Variants in NEO1 observed in about 807,000 individuals in gnomAD.
The protein encoded by NEO1 is neogenin 1.
NEO1 carries 63 observed loss-of-function variants against 159.7 expected under a neutral mutation model. The ratio of observed to expected loss-of-function variants is 0.39; its 90% CI spans 0.32 to 0.49. NEO1 has a LOEUF of 0.49. Ranked by LOEUF, NEO1 falls within the 20% of genes least tolerant of loss-of-function variation. The pLI, the probability that NEO1 is intolerant of heterozygous loss-of-function variation, is 0.85. For synonymous variants in NEO1, 633 were observed against 662.0 expected (o/e 0.96, Z 0.67); for missense variants, 1,615 against 1,831.0 (o/e 0.88, Z 2.15).
At chr15:73,146,866 G>A (rs78984629) in intron 5 of NEO1, among the ~76,000 whole-genome samples, 8,114 of 152,172 alleles carry the variant, frequency 0.053, 330 homozygotes, top group Non-Finnish European at 0.075. Flanking sequence ...TGTACATCAG[G>A]CAAAATGCAA....
chr15:73,138,527 C>T (rs574038368), intron 5 of NEO1, among the ~76,000 whole-genome samples: 57 of 151,934 alleles, frequency 3.8e-4, no homozygotes, highest in Admixed American at 1.2e-3. Context: ...GAGGCCGAGG[C>T]GGGCGGATCA....
rs149327826 is a variant in NEO1, at chr15:73,106,115, C to A, written c.131-10425C>A. 5.3e-4 allele frequency among the ~76,000 whole-genome samples: 81 copies of A among 152,246 alleles called. 3 individuals carry two copies. The East Asian group carries it at 0.013, about 25-fold the overall frequency. ...ACTGGTAGTCACTTAAAAATCCTTCCATTTTTACTGTTTAGATGTCAGACC... is the reference window on the plus strand; with the variant it reads ...ACTGGTAGTCACTTAAAAATCCTTCAATTTTTACTGTTTAGATGTCAGACC... On this transcript the variant is annotated intron_variant, in intron 1 of 28. Coordinates refer to ENST00000261908, the MANE Select transcript of NEO1 (RefSeq NM_002499.4).
chr15:73,141,527 T>A (rs952311876), intron 5 of NEO1, among the ~76,000 whole-genome samples: 1 of 152,248 alleles, frequency 6.6e-6, no homozygotes, highest in Non-Finnish European at 1.5e-5. Flanking sequence ...GTGATACACA[T>A]GTCTCCCGTG....
intron 25 of NEO1, among the ~76,000 whole-genome samples, chr15:73,289,998 G>A (rs1376713796): frequency 6.6e-6 from 1 of 151,766 alleles, no homozygotes; most frequent in Non-Finnish European, 1.5e-5. Flanking sequence ...ACAACCTGTA[G>A]TCCCAGCTAC....
At chr15:73,186,994 A>T (rs939632067) in intron 7 of NEO1, among the ~76,000 whole-genome samples, 5 of 152,236 alleles carry the variant, frequency 3.3e-5, no homozygotes, top group African/African-American at 1.2e-4. Context: ...ATAGTTGATA[A>T]CATGAAATTT....
chr15:73,136,523 T>G (rs1418058234), intron 5 of NEO1, among the ~76,000 whole-genome samples: 2 of 152,184 alleles, frequency 1.3e-5, no homozygotes, highest in African/African-American at 4.8e-5. Flanking sequence ...TCTGTTGGTG[T>G]CCTTTTCTTT....
intron 5 of NEO1, among the ~76,000 whole-genome samples, chr15:73,156,593 A>G (rs2033794720): frequency 6.6e-6 from 1 of 152,184 alleles, no homozygotes; most frequent in Non-Finnish European, 1.5e-5. Context: ...TTGTTTTATC[A>G]GTTGTTGCAA....
At chr15:73,110,516 C>T (rs1596012218) in intron 1 of NEO1, among the ~76,000 whole-genome samples, 2 of 152,092 alleles carry the variant, frequency 1.3e-5, no homozygotes, top group East Asian at 3.9e-4. Flanking sequence ...AAGACATGCA[C>T]CGAGGGATAT....
intron 7 of NEO1, among the ~76,000 whole-genome samples, chr15:73,230,832 T>TCCA (rs1358247023): frequency 6.6e-6 from 1 of 152,144 alleles, no homozygotes; most frequent in African/African-American, 2.4e-5. Context: ...GCTCAAGTGA[T>TCCA]CCACCACTTC....
At chr15:73,239,502 A>C (rs2039383211) in intron 8 of NEO1, among the ~76,000 whole-genome samples, 1 of 152,226 alleles carries the variant, frequency 6.6e-6, no homozygotes, top group South Asian at 2.1e-4. Flanking sequence ...ACAACGCTTC[A>C]GTCAGACAGA....
chr15:73,256,238 G>A (rs919722093), intron 13 of NEO1: 1 of 152,202 alleles, frequency 6.6e-6, no homozygotes, highest in African/African-American at 2.4e-5. Context: ...AGTGGCTGAT[G>A]CCTATAATCC....
Position 73,253,397 on chromosome 15 carries a change from T to C in NEO1, c.1895-3T>C, listed in dbSNP as rs2040184906. On this transcript the variant is annotated splice_region_variant and splice_polypyrimidine_tract_variant and intron_variant, in intron 11 of 28. Transcript: ENST00000261908. ...AATTTTTTTTTTTTTTTTGTTTCTCTAGTTCCCAGTGCTGCTCCTCAGAAT... is the reference window on the plus strand; with the variant it reads ...AATTTTTTTTTTTTTTTTGTTTCTCCAGTTCCCAGTGCTGCTCCTCAGAAT... 2 of 1,553,130 alleles carry C rather than the reference T, an allele frequency of 1.3e-6. No individual in the cohort carries two copies. The highest frequency in any genetic ancestry group is 1.4e-5 in the African/African-American group (1 of 72,672).
At chr15:73,125,879 A>C (rs2030140150) in intron 3 of NEO1, among the ~76,000 whole-genome samples, 1 of 148,820 alleles carries the variant, frequency 6.7e-6, no homozygotes. Flanking sequence ...AGGGAAGGAA[A>C]GGAAACCTCT....
chr15:73,262,279 T>G (rs1173115158), intron 15 of NEO1, among the ~76,000 whole-genome samples: 1 of 152,160 alleles, frequency 6.6e-6, no homozygotes, highest in Non-Finnish European at 1.5e-5. Flanking sequence ...CATCAAAATT[T>G]TAAAACTTCT....
At chr15:73,135,451 A>G (rs1361352439) in intron 4 of NEO1, among the ~76,000 whole-genome samples, 1 of 152,068 alleles carries the variant, frequency 6.6e-6, no homozygotes, top group South Asian at 2.1e-4. Flanking sequence ...CGGATCTAAC[A>G]TTTTGCCCTC....
chr15:73,177,153 A>G (rs1238559089), intron 6 of NEO1, among the ~76,000 whole-genome samples: 3 of 152,194 alleles, frequency 2.0e-5, no homozygotes, highest in Admixed American at 6.5e-5. Flanking sequence ...ATACTCAGCC[A>G]TAATTGCTTT....
In NEO1 at chr15:73,298,630, A is replaced by C. The variant is rs759107295; in HGVS notation, c.4165+19A>C. The C allele has an allele frequency of 5.0e-6, 8 of 1,613,774 alleles. No homozygotes were observed. The South Asian group carries it at 5.5e-5, about 11-fold the overall frequency. ...CAGCAAGGTGAGTGAGGATGGCAGCACACCTGGAGGGAGCACACCTGGAGT... is the reference window on the plus strand; with the variant it reads ...CAGCAAGGTGAGTGAGGATGGCAGCCCACCTGGAGGGAGCACACCTGGAGT... On this transcript the variant is annotated intron_variant, in intron 27 of 28. Coordinates refer to ENST00000261908, the MANE Select transcript of NEO1 (RefSeq NM_002499.4).
chr15:73,209,249 G>A (rs955629020), intron 7 of NEO1, among the ~76,000 whole-genome samples: 1 of 152,202 alleles, frequency 6.6e-6, no homozygotes, highest in Non-Finnish European at 1.5e-5. Flanking sequence ...GGAACAACCT[G>A]TGTACAGCCT....
At chr15:73,228,335 A>G (rs546890228) in intron 7 of NEO1, among the ~76,000 whole-genome samples, 1 of 151,608 alleles carries the variant, frequency 6.6e-6, no homozygotes, top group African/African-American at 2.4e-5. Context: ...ATGACTAATG[A>G]TGTCATTTTC....
Sources: gnomAD v4.1 joint callset for allele counts (sites outside exome capture counted in the v4.1 genomes callset) on GRCh38, gnomAD v4.1.1 for gene constraint, MANE v1.5 for transcripts, NCBI Gene and HGNC (gene_info 2026-07-23, HGNC 2026-07-21) for gene names.